The following BNC2 variants were observed in gnomAD, a reference collection of about 807,000 sequenced individuals.
BNC2 encodes zinc finger protein basonuclin-2.
BNC2 carries 20 observed loss-of-function variants against 76.3 expected under a neutral mutation model. That is an observed-to-expected ratio of 0.26 (90% CI 0.18 to 0.38). The LOEUF is 0.38. BNC2 is among the 10% of genes least tolerant of loss of function. The pLI, the probability that BNC2 is intolerant of heterozygous loss-of-function variation, is 1.00. For missense variants in BNC2, 1,382 were observed against 1,399.8 expected (o/e 0.99, Z 0.20); for synonymous variants, 582 against 514.8 (o/e 1.13, Z -1.77).
chr9:16,420,166 A>G (rs1820681521), intron 6 of BNC2, among the ~76,000 whole-genome samples: 1 of 152,166 alleles, frequency 6.6e-6, no homozygotes, highest in Non-Finnish European at 1.5e-5. Context: ...TAGCCTAGAT[A>G]ATTTAGATAT....
chr9:16,534,095 A>T lies in BNC2; in HGVS notation c.669+18435T>A, dbSNP rs564608498. On this transcript the variant is annotated intron_variant, in intron 5 of 6. Coordinates refer to ENST00000380672, the MANE Select transcript of BNC2 (RefSeq NM_017637.6). ...ATAGTCCTATCCTGAATGAATTACT[A>T]CTGTTATGATTTAAAGAGAAATATT... Among the ~76,000 whole-genome samples, 11 of 152,264 alleles carry T rather than the reference A, an allele frequency of 7.2e-5. No individual in the cohort carries two copies. In the South Asian group the frequency reaches 2.3e-3, roughly 32 times the overall value.
chr9:16,779,663 T>C (rs1447176388), intron 1 of BNC2, among the ~76,000 whole-genome samples: 1 of 152,008 alleles, frequency 6.6e-6, no homozygotes, highest in African/African-American at 2.4e-5. Flanking sequence ...GCAAAGAAAA[T>C]AATAAAATAT....
At position 16,802,687 on chromosome 9, in the gene BNC2, G is replaced by C. The variant is rs1341274942; in HGVS notation, c.4-64202C>G. 2.0e-5 allele frequency among the ~76,000 whole-genome samples: 3 copies of C among 152,184 alleles called. No individual in the cohort carries two copies. The East Asian group carries it at 5.8e-4, about 29-fold the overall frequency. ...TTCAAGCCCATAGACAAGGACCGAA[G>C]GGTTTTTGTAAGAACACACTATTTG... On this transcript the variant is annotated intron_variant, in intron 1 of 6. Transcript: ENST00000380672.
chr9:16,787,593 G>C (rs1057507440), intron 1 of BNC2, among the ~76,000 whole-genome samples: 2 of 152,204 alleles, frequency 1.3e-5, no homozygotes, highest in Non-Finnish European at 2.9e-5. Flanking sequence ...AGTTACGGTA[G>C]TGGGCTTATT....
At chr9:16,738,316 G>C (rs1201484578) in intron 2 of BNC2, 44 bp downstream of exon 2, 16 of 1,586,802 alleles carry the variant, frequency 1.0e-5, no homozygotes, top group South Asian at 2.2e-5. Context: ...AAGAATGCAA[G>C]TGTGTCCAAG....
chr9:16,708,910 A>G (rs1213468673), intron 3 of BNC2, among the ~76,000 whole-genome samples: 1 of 152,214 alleles, frequency 6.6e-6, no homozygotes, highest in African/African-American at 2.4e-5. Flanking sequence ...CAGGGGACTC[A>G]GAAAATGCAT....
At chr9:16,455,706 C>T (rs1232674673) in intron 5 of BNC2, among the ~76,000 whole-genome samples, 4 of 151,682 alleles carry the variant, frequency 2.6e-5, no homozygotes, top group Non-Finnish European at 2.9e-5. Context: ...GCAGGAGAAT[C>T]GCTTGAACCC....
intron 1 of BNC2, among the ~76,000 whole-genome samples, chr9:16,863,263 G>A (rs1437894239): frequency 6.6e-6 from 1 of 152,182 alleles, no homozygotes; most frequent in African/African-American, 2.4e-5. Context: ...CAAAAGGCTG[G>A]GGCATAGCCC....
intron 1 of BNC2, among the ~76,000 whole-genome samples, chr9:16,845,023 T>C (rs1028721844): frequency 6.7e-4 from 102 of 152,170 alleles, no homozygotes; most frequent in African/African-American, 2.5e-3. Flanking sequence ...CATCACCAGG[T>C]TCAGAACCCA....
chr9:16,805,287 T>TC (rs968552918), intron 1 of BNC2, among the ~76,000 whole-genome samples: 13 of 152,116 alleles, frequency 8.5e-5, no homozygotes, highest in African/African-American at 2.9e-4. Flanking sequence ...ACACATGAAT[T>TC]CCCTGGCTAT....
intron 6 of BNC2, chr9:16,434,845 G>A (rs149863519): frequency 4.4e-6 from 2 of 457,206 alleles, no homozygotes; most frequent in East Asian, 1.4e-4. Context: ...AATCCGCATG[G>A]TAGACTATAG....
At chr9:16,577,229 C>G (rs757446130) in intron 4 of BNC2, among the ~76,000 whole-genome samples, 27 of 151,708 alleles carry the variant, frequency 1.8e-4, no homozygotes, top group Admixed American at 8.5e-4. Context: ...TATTCAGATT[C>G]AATCAAAAAT....
chr9:16,753,185 T>C (rs866136720), intron 1 of BNC2, among the ~76,000 whole-genome samples: 20 of 152,322 alleles, frequency 1.3e-4, no homozygotes, highest in Middle Eastern at 6.8e-3. Flanking sequence ...ATCCCAAATG[T>C]GTAAGCATAA....
chr9:16,828,929 AGATGGCCCC>A (rs1818514466), intron 1 of BNC2, among the ~76,000 whole-genome samples: 1 of 150,636 alleles, frequency 6.6e-6, no homozygotes, highest in South Asian at 2.1e-4. Flanking sequence ...GCGTATGACT[AGATGGCCCC>A]GAAGCGACTC....
intron 1 of BNC2, among the ~76,000 whole-genome samples, chr9:16,739,495 C>A (rs1587368163): frequency 6.6e-6 from 1 of 152,194 alleles, no homozygotes; most frequent in African/African-American, 2.4e-5. Flanking sequence ...ATGGTGAAAC[C>A]CCGTCTCTAC....
chr9:16,587,902 A>C (rs991433658), intron 3 of BNC2, among the ~76,000 whole-genome samples: 2 of 152,158 alleles, frequency 1.3e-5, no homozygotes, highest in East Asian at 1.9e-4. Context: ...CTTCTGTATC[A>C]TAATTGATCT....
intron 4 of BNC2, among the ~76,000 whole-genome samples, chr9:16,560,096 T>C (rs187919224): frequency 1.3e-5 from 2 of 152,310 alleles, no homozygotes; most frequent in African/African-American, 4.8e-5. Context: ...GGAGGACCTG[T>C]TGAAACAGAC....
Position 16,413,628 on chromosome 9 carries a change from G to C in BNC2, c.*5361C>G, listed in dbSNP as rs1203145097. The C allele has an allele frequency of 1.3e-5, 2 of 152,148 alleles. No homozygotes were observed. Among genetic ancestry groups the C allele is most frequent in the African/African-American group, 4.8e-5 (2 of 41,426 alleles). The allele number at this position is 152,148 out of a possible 1,614,324, so 9.4% of individuals were successfully genotyped here. A position where few individuals can be genotyped will look rare whatever the true frequency, so the allele number is the denominator to read the frequency against. On this transcript the variant is annotated 3_prime_UTR_variant, in exon 7 of 7. Coordinates refer to ENST00000380672, the MANE Select transcript of BNC2 (RefSeq NM_017637.6). ...AGATAACTCACTGGTCAGTTGTACAGCTGGAATTACACAATACTTTTTGAA... is the reference window on the plus strand; with the variant it reads ...AGATAACTCACTGGTCAGTTGTACACCTGGAATTACACAATACTTTTTGAA...
At chr9:16,650,706 A>T (rs1381940141) in intron 3 of BNC2, among the ~76,000 whole-genome samples, 1 of 152,170 alleles carries the variant, frequency 6.6e-6, no homozygotes, top group Non-Finnish European at 1.5e-5. Context: ...TAGCATAATC[A>T]ATTGCATTCA....
Sources: allele counts gnomAD v4.1 joint callset (sites outside exome capture counted in the v4.1 genomes callset), GRCh38; gene constraint gnomAD v4.1.1; transcripts MANE v1.5; gene names NCBI Gene and HGNC (gene_info 2026-07-23, HGNC 2026-07-21).